SELENOO: variants seen among roughly 807,000 people sequenced by gnomAD.
SELENOO encodes protein adenylyltransferase SelO, mitochondrial.
SELENOO carries 74 observed loss-of-function variants against 58.7 expected under a neutral mutation model. The ratio of observed to expected loss-of-function variants is 1.26; its 90% confidence interval spans 1.04 to 1.53. The LOEUF is 1.53. SELENOO is among the 40% of genes most tolerant of loss of function. The pLI is 0.00. For missense variants in SELENOO, 1,149 were observed against 970.0 expected, an observed-to-expected ratio of 1.18 and a Z score of -2.45; for synonymous variants, 543 against 453.2, an observed-to-expected ratio of 1.20 and a Z score of -2.52.
At chr22:50,208,865 A>G in intron 3 of SELENOO, 149 bp downstream of exon 3, 1 of 726,276 alleles carries the variant, frequency 1.4e-6, no homozygotes, top group Non-Finnish European at 2.2e-6. Flanking sequence ...CGCAAACCCC[A>G]TCATGTGTGC....
At chr22:50,217,614 C>CGAGTCTGTCTCTGTGGT (rs2064434066) in exon 9 of SELENOO, 2 of 1,070,278 alleles carry the variant, frequency 1.9e-6, no homozygotes, top group Non-Finnish European at 2.7e-6. Flanking sequence ...GCAACTCCCT[C>CGAGTCTGTCTCTGTGGT]GAGTCTGTCT....
chr22:50,210,192 C>T lies in SELENOO; in HGVS notation c.951C>T (p.Arg317=), dbSNP rs1443724190. ...CTGTCCCACCCCAGGTGACGCGGCG[C>T]ACGGCGCGGATGGTGGCCGAGTGGC... is the stretch of plus-strand genomic sequence containing the variant. ...NAAFFREVTR[R]TARMVAEWQC... The change falls in exon 4 of 9, where the codon CGC becomes CGT. Residue 317 remains arginine, a synonymous_variant. Coordinates refer to ENST00000380903, the MANE Select transcript of SELENOO (RefSeq NM_031454.2). The T allele has an allele frequency of 6.2e-7, 1 of 1,613,256 alleles. No individual in the cohort carries two copies. Among genetic ancestry groups the T allele is most frequent in the Admixed American group, 1.7e-5 (1 of 60,006 alleles).
At chr22:50,204,882 G>A (rs146639037) in intron 1 of SELENOO, among the ~76,000 whole-genome samples, 6 of 152,352 alleles carry the variant, frequency 3.9e-5, no homozygotes, top group Non-Finnish European at 7.3e-5. Flanking sequence ...GATTAAATGT[G>A]ATGTGTACAT....
rs2064405294 is a variant in SELENOO, at chr22:50,215,882, C to CCTA, written c.1502+18_1502+20dup. The CCTA allele has an allele frequency of 6.3e-7, 1 of 1,577,472 alleles. No individual in the cohort carries two copies. Among genetic ancestry groups the CCTA allele is most frequent in the South Asian group, 1.1e-5 (1 of 89,526 alleles). On this transcript the variant is annotated intron_variant, in intron 6 of 8. Coordinates refer to ENST00000380903, the MANE Select transcript of SELENOO (RefSeq NM_031454.2). ...ATGGATCCCCGGTGGGTACTCAGTT[C>CCTA]CTACTTCTTTGGATTTGTTTCCAGA...
rs184139976 is a variant in SELENOO, at chr22:50,215,775, G to T, written c.1410G>T (p.Ser470=). 1.2e-6 allele frequency: 2 copies of T among 1,611,890 alleles called. No homozygotes were observed. The highest frequency in any genetic ancestry group is 1.7e-6 in the Non-Finnish European group (2 of 1,178,836). The change falls in exon 6 of 9, where the codon TCG becomes TCT. Residue 470 remains serine (S), a synonymous_variant. Coordinates refer to ENST00000380903, the MANE Select transcript of SELENOO (RefSeq NM_031454.2). The stretch of plus-strand genomic sequence containing the variant: ...GCTCCTTCCCAGTGGAGCTAGAGTC[G>T]CCAGGCCTGGCGGAATTCCTGGCCA... ...LLSSFPVELE[S]PGLAEFLARL...
intron 5 of SELENOO, among the ~76,000 whole-genome samples, chr22:50,215,150 G>A (rs961685678): frequency 1.3e-5 from 2 of 152,212 alleles, no homozygotes. Context: ...GTCAGGGGGA[G>A]GATCGCAGTG....
chr22:50,208,638 C>T lies in SELENOO; in HGVS notation c.861C>T (p.Val287=), dbSNP rs2147161226. Residue 287 remains valine, a synonymous_variant, in exon 3 of 9, where the codon GTC becomes GTT. Transcript: ENST00000380903. ...TTCGAGTGCAGCTGCTCGACTATGT[C>T]ATCAGCTCCTTTTACCCCGAGATCC... ...NDIRVQLLDY[V]ISSFYPEIQA... 1 of 1,613,914 alleles carries T rather than the reference C, an allele frequency of 6.2e-7. No individual in the cohort carries two copies. The highest frequency in any genetic ancestry group is 1.1e-5 in the South Asian group (1 of 91,076).
intron 6 of SELENOO, 113 bp from the exon 7 acceptor site, chr22:50,216,578 G>C (rs897984733): frequency 2.0e-6 from 2 of 1,014,854 alleles, no homozygotes; most frequent in Non-Finnish European, 2.9e-6. Flanking sequence ...GGGCTGCTTG[G>C]GCCCTTGGAC....
chr22:50,205,057 T>C (rs1284976373), intron 1 of SELENOO, among the ~76,000 whole-genome samples: 1 of 152,070 alleles, frequency 6.6e-6, no homozygotes, highest in Non-Finnish European at 1.5e-5. Flanking sequence ...AGAGACAAAG[T>C]AGAATGGTGG....
chr22:50,210,845 G>A lies in SELENOO; in HGVS notation c.1285G>A (p.Val429Met), dbSNP rs200939056. The change falls in exon 5 of 9, where the codon GTG becomes ATG. Residue 429 changes from valine to methionine, a missense_variant. Physicochemically the swap from Val to Met is conservative, Grantham distance 21. Coordinates refer to ENST00000380903, the MANE Select transcript of SELENOO (RefSeq NM_031454.2). ...GAAGATGCGCAGGAAGCTGGGCCTC[G>A]TGCAGGTGGAGCTGGAGGAAGACGG... ...LQKMRRKLGL[V>M]QVELEEDGAL... 1.1e-4 allele frequency: 182 copies of A among 1,614,024 alleles called. No individual in the cohort carries two copies. In the Middle Eastern group the frequency reaches 1.2e-3, roughly 10 times the overall value.
At position 50,201,360 on chromosome 22, in the gene SELENOO, GGGCGCGC is replaced by G. The variant is rs1306389886; in HGVS notation, c.325_331del (p.Gly109ArgfsTer137). ...AGCCCGCGCTGGCGTTGCTGGGCCT[GGGCGCGC>G]CGCCCGCGCGCGAGGCCGAGGCCGA... On this transcript the variant is annotated frameshift_variant, in exon 1 of 9. Transcript: ENST00000380903. LOFTEE classifies it high-confidence loss of function. 8 of 1,202,356 alleles carry G rather than the reference GGGCGCGC, an allele frequency of 6.7e-6. No individual in the cohort carries two copies. Among genetic ancestry groups the G allele is most frequent in the Non-Finnish European group, 8.2e-6 (8 of 970,394 alleles). 74.5% of individuals were successfully genotyped at this position (1,202,356 alleles called of 1,614,324 possible). A position where few individuals can be genotyped will look rare whatever the true frequency, so the allele number is the denominator to read the frequency against.
chr22:50,205,968 T>C (rs2064330278), intron 1 of SELENOO: 1 of 314,440 alleles, frequency 3.2e-6, no homozygotes, highest in Non-Finnish European at 6.0e-6. Flanking sequence ...AAGGCTGTTG[T>C]GTCCCATGGG....
chr22:50,216,727 C>G lies in SELENOO; in HGVS notation c.1539C>G (p.Asn513Lys). ...LSMMLMLAQS[N>K]PQLFALMGTR... The stretch of plus-strand genomic sequence containing the variant: ...TGATGCTGATGCTGGCGCAGTCAAA[C>G]CCGCAGCTGTTCGCGCTTATGGGCA... Residue 513 changes from asparagine (N) to lysine (K), a missense_variant, in exon 7 of 9, where the codon AAC (asparagine) becomes AAG (lysine). Physicochemically the swap from Asn to Lys is moderately conservative, Grantham distance 94. Coordinates refer to ENST00000380903, the MANE Select transcript of SELENOO (RefSeq NM_031454.2). The G allele has an allele frequency of 6.2e-7, 1 of 1,603,172 alleles. No individual in the cohort carries two copies. Among genetic ancestry groups the G allele is most frequent in the Non-Finnish European group, 8.5e-7 (1 of 1,177,512 alleles).
At position 50,201,068 on chromosome 22, in the gene SELENOO, C is replaced by T. The variant is rs1326098508; in HGVS notation, c.32C>T (p.Ser11Leu). The change falls in exon 1 of 9, where the codon TCG becomes TTG. Residue 11 changes from serine to leucine, a missense_variant. Coordinates refer to ENST00000380903, the MANE Select transcript of SELENOO (RefSeq NM_031454.2). The stretch of plus-strand genomic sequence containing the variant: ...GTATACAGGGCAGCGCTCGGGGCTT[C>T]GCTCGCGGCTGCCCGACTCTTGCCC... MAVYRAALGA[S>L]LAAARLLPLG... 3 of 1,359,306 alleles carry T rather than the reference C, an allele frequency of 2.2e-6. No individual in the cohort carries two copies. Among genetic ancestry groups the T allele is most frequent in the Non-Finnish European group, 1.9e-6 (2 of 1,056,278 alleles). The allele number at this position is 1,359,306 out of a possible 1,614,324, so 84.2% of individuals were successfully genotyped here. A position where few individuals can be genotyped will look rare whatever the true frequency, so the allele number is the denominator to read the frequency against.
rs908933753 is a variant in SELENOO at position 50,210,274 on chromosome 22, C to G, written c.1033C>G (p.Leu345Val). Residue 345 changes from leucine to valine, a missense_variant, in exon 4 of 9, where the codon CTC (leucine) becomes GTC (valine). Leu to Val is a conservative substitution (Grantham distance 32). Coordinates refer to ENST00000380903, the MANE Select transcript of SELENOO (RefSeq NM_031454.2). ...CACCGACAACATGAGCATCCTGGGG[C>G]TCACCATCGACTACGGGCCCTTTGG... ...LNTDNMSILG[L>V]TIDYGPFGFL... The G allele has an allele frequency of 6.2e-7, 1 of 1,613,442 alleles. No individual in the cohort carries two copies. The highest frequency in any genetic ancestry group is 8.5e-7 in the Non-Finnish European group (1 of 1,179,960).
At chr22:50,212,464 G>A (rs1283160837) in intron 5 of SELENOO, among the ~76,000 whole-genome samples, 1 of 152,168 alleles carries the variant, frequency 6.6e-6, no homozygotes, top group Non-Finnish European at 1.5e-5. Flanking sequence ...TTTCATTGTG[G>A]TAGGAACACA....
intron 5 of SELENOO, among the ~76,000 whole-genome samples, chr22:50,213,907 C>CA (rs1364694542): frequency 6.6e-6 from 1 of 152,180 alleles, no homozygotes; most frequent in Non-Finnish European, 1.5e-5. Context: ...CTCGGCCTCC[C>CA]AAAGTGCTGG....
intron 6 of SELENOO, among the ~76,000 whole-genome samples, 157 bp downstream of exon 6, chr22:50,216,024 T>A (rs1225433134): frequency 6.6e-6 from 1 of 152,166 alleles, no homozygotes; most frequent in Non-Finnish European, 1.5e-5. Context: ...AGGGCATCTC[T>A]GCGATGCTGG....
intron 1 of SELENOO, among the ~76,000 whole-genome samples, chr22:50,204,706 TG>T (rs1438512199): frequency 1.3e-5 from 2 of 152,052 alleles, no homozygotes; most frequent in East Asian, 3.9e-4. Context: ...GAATGTAAAA[TG>T]ATAGAGTTGC....
Sources: gnomAD v4.1 joint callset for allele counts (sites outside exome capture counted in the v4.1 genomes callset) on GRCh38, gnomAD v4.1.1 for gene constraint, MANE v1.5 for transcripts, NCBI Gene and HGNC (gene_info 2026-07-23, HGNC 2026-07-21) for gene names.